UGGT1: variants seen among roughly 807,000 people sequenced by gnomAD.
The protein encoded by UGGT1 is UDP-glucose:glycoprotein glucosyltransferase 1.
A neutral mutation model predicts 203.9 loss-of-function variants in UGGT1; 107 were observed. The observed-to-expected ratio is 0.52, with a 90% CI of 0.45 to 0.62. The LOEUF (loss-of-function observed/expected upper bound fraction) is 0.62, where lower values mean the gene tolerates loss of function less well. Among genes scored for constraint, UGGT1 ranks in the 20% least tolerant of loss-of-function variants. The pLI is 0.00. For synonymous variants in UGGT1, 628 were observed against 653.5 expected, an observed-to-expected ratio of 0.96 and a Z score of 0.59; for missense variants, 1,673 against 1,867.2, an observed-to-expected ratio of 0.90 and a Z score of 1.92.
At chr2:128,145,466 T>A (rs1689635904) in intron 17 of UGGT1, among the ~76,000 whole-genome samples, 1 of 151,386 alleles carries the variant, frequency 6.6e-6, no homozygotes, top group East Asian at 1.9e-4. Flanking sequence ...GAATATGTAG[T>A]TCAGTTTTGA....
chr2:128,159,806 T>A, intron 23 of UGGT1, 86 bp downstream of exon 23: 2 of 1,347,252 alleles, frequency 1.5e-6, no homozygotes, highest in Non-Finnish European at 2.0e-6. Flanking sequence ...CGGTTCATGA[T>A]CACGATTTGT....
chr2:128,186,306 G>A (rs1012251358), intron 38 of UGGT1, among the ~76,000 whole-genome samples: 2 of 152,106 alleles, frequency 1.3e-5, no homozygotes, highest in African/African-American at 2.4e-5. Flanking sequence ...TGTTCTATAC[G>A]TTTGTCTCCA....
At chr2:128,105,811 G>A (rs751943704) in intron 3 of UGGT1, among the ~76,000 whole-genome samples, 3 of 151,546 alleles carry the variant, frequency 2.0e-5, no homozygotes, top group Admixed American at 6.6e-5. Context: ...CACCAAGCCC[G>A]GCCTAGTTTT....
chr2:128,133,316 C>CT (rs1226287032), intron 14 of UGGT1, 56 bp downstream of exon 14: 6 of 1,592,690 alleles, frequency 3.8e-6, no homozygotes, highest in Admixed American at 3.4e-5. Context: ...CCTAGTCCCT[C>CT]TTTTTTTGTC....
intron 13 of UGGT1, among the ~76,000 whole-genome samples, chr2:128,132,939 T>G (rs12692076): frequency 0.9 from 136,973 of 152,170 alleles, 62,431 homozygotes; most frequent in Non-Finnish European, 0.98. Flanking sequence ...ACTCCTGGGC[T>G]CAAGTGATCC....
At position 128,181,204 on chromosome 2, in the gene UGGT1, C is replaced by A. The variant is rs564962483; in HGVS notation, c.4083+132C>A. The A allele has an allele frequency of 5.4e-5, 45 of 830,964 alleles. No individual in the cohort carries two copies. The East Asian group carries it at 1.0e-3, about 19-fold the overall frequency. 51.5% of individuals were successfully genotyped at this position (830,964 alleles called of 1,614,324 possible). A position where few individuals can be genotyped will look rare whatever the true frequency, so the allele number is the denominator to read the frequency against. ...ATTTAGAAAATATGAAAATATGTAT[C>A]ACATAGATGTCATCACTTTTTAAAT... On this transcript the variant is annotated intron_variant, in intron 36 of 40. Coordinates refer to ENST00000259253, the MANE Select transcript of UGGT1 (RefSeq NM_020120.4).
At chr2:128,100,607 C>T (rs1203887676) in intron 2 of UGGT1, among the ~76,000 whole-genome samples, 4 of 139,482 alleles carry the variant, frequency 2.9e-5, no homozygotes, top group Non-Finnish European at 4.6e-5. Context: ...TTTTTAGTAG[C>T]GATGGAGTTT....
chr2:128,159,282 G>A (rs748566312), intron 22 of UGGT1, among the ~76,000 whole-genome samples: 4 of 151,570 alleles, frequency 2.6e-5, no homozygotes, highest in Non-Finnish European at 4.4e-5. Flanking sequence ...TGTATTTTTA[G>A]TAGAGACAGA....
chr2:128,190,054 C>T lies in UGGT1; in HGVS notation c.*312C>T, dbSNP rs568433879. On this transcript the variant is annotated 3_prime_UTR_variant, in exon 41 of 41. Coordinates refer to ENST00000259253, the MANE Select transcript of UGGT1 (RefSeq NM_020120.4). ...AAGAAAATGAGTTTTTTGGTGCCCA[C>T]ACCCAAGAGCACACACATGCTGCAC... The T allele has an allele frequency of 1.4e-5, 4 of 276,208 alleles. No individual in the cohort carries two copies. In the East Asian group the frequency reaches 2.6e-4, roughly 18 times the overall value. 17.1% of individuals were successfully genotyped at this position (276,208 alleles called of 1,614,324 possible). A position where few individuals can be genotyped will look rare whatever the true frequency, so the allele number is the denominator to read the frequency against.
chr2:128,091,891 T>C (rs1052662947), intron 1 of UGGT1, among the ~76,000 whole-genome samples: 1 of 152,248 alleles, frequency 6.6e-6, no homozygotes, highest in Non-Finnish European at 1.5e-5. Flanking sequence ...TTGGATGATA[T>C]GGTTTCACTT....
In UGGT1 at chr2:128,100,020, C is replaced by CA. The variant is rs1034443347; in HGVS notation, c.194+2456_194+2457insA. Among the ~76,000 whole-genome samples, 29 of 58,926 alleles carry CA rather than the reference C, an allele frequency of 4.9e-4. 3 individuals carry two copies. The highest frequency in any genetic ancestry group is 9.4e-4 in the Non-Finnish European group (25 of 26,698). 38.7% of individuals were successfully genotyped at this position (58,926 alleles called of 152,430 possible). A position where few individuals can be genotyped will look rare whatever the true frequency, so the allele number is the denominator to read the frequency against. ...AAAATCTGTCATTGAGATTTACAAC[C>CA]CCCCCCCCCACCCTACTTATTTTTT... is the stretch of plus-strand genomic sequence containing the variant. On this transcript the variant is annotated intron_variant, in intron 2 of 40. Transcript: ENST00000259253.
chr2:128,195,009 T>C lies in UGGT1; in HGVS notation c.*5267T>C, dbSNP rs1433236601. On this transcript the variant is annotated 3_prime_UTR_variant, in exon 41 of 41. Transcript: ENST00000259253. ...TTATAAAAACAAACTGCAAAGTCTGTGGCAAGTGGCTGCCTGCTTCCTAGA... is the reference window on the plus strand; with the variant it reads ...TTATAAAAACAAACTGCAAAGTCTGCGGCAAGTGGCTGCCTGCTTCCTAGA... 2 of 152,232 alleles carry C rather than the reference T, an allele frequency of 1.3e-5. No homozygotes were observed. Among genetic ancestry groups the C allele is most frequent in the African/African-American group, 4.8e-5 (2 of 41,454 alleles). 9.4% of individuals were successfully genotyped at this position (152,232 alleles called of 1,614,324 possible).
At position 128,192,636 on chromosome 2, in the gene UGGT1, T is replaced by C. The variant is rs1287115347; in HGVS notation, c.*2894T>C. 6.6e-6 allele frequency: 1 copy of C among 152,200 alleles called. No individual in the cohort carries two copies. The highest frequency in any genetic ancestry group is 1.5e-5 in the Non-Finnish European group (1 of 68,038). The allele number at this position is 152,200 out of a possible 1,614,324, so 9.4% of individuals were successfully genotyped here. On this transcript the variant is annotated 3_prime_UTR_variant, in exon 41 of 41. Transcript: ENST00000259253. Reference sequence around the variant, plus strand: ...ATGTTCTGTGTACAGTGGCATTTGATTGAGATCAAAGCCTGTCACAGCCTG... The same window carrying C: ...ATGTTCTGTGTACAGTGGCATTTGACTGAGATCAAAGCCTGTCACAGCCTG...
chr2:128,183,084 T>C (rs950458281), intron 37 of UGGT1, among the ~76,000 whole-genome samples: 3 of 152,218 alleles, frequency 2.0e-5, no homozygotes, highest in Non-Finnish European at 4.4e-5. Context: ...ATATCTCATA[T>C]ATTTGTGAGA....
rs756175959 is a variant in UGGT1, at chr2:128,164,780, A to G, written c.2876A>G (p.Lys959Arg). The G allele has an allele frequency of 3.0e-5, 49 of 1,611,788 alleles. No homozygotes were observed. The highest frequency in any genetic ancestry group is 4.0e-5 in the Non-Finnish European group (47 of 1,179,372). ...GATGCTCTTCTGTCAGCGCAACCAA[A>G]AGGAGATCCAAGAATCGAGTACCAG... ...KVDALLSAQP[K>R]GDPRIEYQFF... The change falls in exon 26 of 41, where the codon AAA becomes AGA. Residue 959 changes from lysine (K) to arginine (R), a missense_variant. Physicochemically the swap from Lys to Arg is conservative, Grantham distance 26 (BLOSUM62 2). Around this residue, in one of 4 missense-constraint regions of UGGT1, gnomAD observed 1,073 missense variants for 1,078.7 expected, o/e 0.99. Coordinates refer to ENST00000259253, the MANE Select transcript of UGGT1 (RefSeq NM_020120.4).
chr2:128,110,903 G>A (rs950448583), intron 5 of UGGT1, among the ~76,000 whole-genome samples: 2 of 152,138 alleles, frequency 1.3e-5, no homozygotes, highest in African/African-American at 4.8e-5. Flanking sequence ...AAGGCTATAT[G>A]GAGCATCTGT....
intron 18 of UGGT1, among the ~76,000 whole-genome samples, chr2:128,149,609 CAA>C (rs886969052): frequency 4.3e-5 from 6 of 138,516 alleles, no homozygotes; most frequent in Non-Finnish European, 4.8e-5. Flanking sequence ...ACTAAAAATC[CAA>C]AAAAAAAAAA....
At chr2:128,117,040 AAATTT>A (rs1336161694) in intron 8 of UGGT1, among the ~76,000 whole-genome samples, 3 of 152,222 alleles carry the variant, frequency 2.0e-5, no homozygotes, top group East Asian at 1.9e-4. Flanking sequence ...TAGATATAGT[AAATTT>A]TATACATGCT....
chr2:128,133,063 A>G (rs1688957187), intron 13 of UGGT1, 78 bp from the exon 14 acceptor site: 3 of 1,517,090 alleles, frequency 2.0e-6, no homozygotes, highest in South Asian at 2.4e-5. Flanking sequence ...AAAATATTTT[A>G]AAGTCTTATT....
Sources: gnomAD v4.1 joint callset for allele counts (sites outside exome capture counted in the v4.1 genomes callset) on GRCh38, gnomAD v4.1.1 for gene constraint, gnomAD v4.1.1 regional missense constraint, MANE v1.5 for transcripts, NCBI Gene and HGNC (gene_info 2026-07-23, HGNC 2026-07-21) for gene names.